PAPPA2: variants seen among roughly 807,000 people sequenced by gnomAD.
PAPPA2 encodes the protein pappalysin-2.
A neutral mutation model predicts 176.4 loss-of-function variants in PAPPA2; 86 were observed. The ratio of observed to expected loss-of-function variants is 0.49; its 90% CI spans 0.41 to 0.58. The LOEUF is 0.58. Among genes scored for constraint, PAPPA2 ranks in the 20% least tolerant of loss-of-function variants. The pLI is 0.00. For missense variants in PAPPA2, 2,073 were observed against 2,256.9 expected, an observed-to-expected ratio of 0.92 and a Z score of 1.65; for synonymous variants, 809 against 852.2, an observed-to-expected ratio of 0.95 and a Z score of 0.88.
intron 3 of PAPPA2, among the ~76,000 whole-genome samples, chr1:176,611,903 T>G (rs1654947466): frequency 6.6e-6 from 1 of 152,234 alleles, no homozygotes. Context: ...TTTATTTCCA[T>G]GCCTAGAGAA....
At position 176,844,051 on chromosome 1, in the gene PAPPA2, G is replaced by A. The variant is rs1667579150; in HGVS notation, c.*1597G>A. On this transcript the variant is annotated 3_prime_UTR_variant, in exon 23 of 23. Coordinates refer to ENST00000367662, the MANE Select transcript of PAPPA2 (RefSeq NM_020318.3). ...ATTTACATCCCAGGCTCACTGGGAT[G>A]TGATCTACTGCAGTTACATTTTCTT... The A allele has an allele frequency of 6.6e-6, 1 of 152,116 alleles. No individual in the cohort carries two copies. Among genetic ancestry groups the A allele is most frequent in the Non-Finnish European group, 1.5e-5 (1 of 68,026 alleles). 9.4% of individuals were successfully genotyped at this position (152,116 alleles called of 1,614,324 possible).
At chr1:176,519,305 C>T (rs1427739414) in intron 1 of PAPPA2, among the ~76,000 whole-genome samples, 1 of 152,140 alleles carries the variant, frequency 6.6e-6, no homozygotes, top group Non-Finnish European at 1.5e-5. Context: ...CACAGAAGAG[C>T]TACACTCGGC....
intron 5 of PAPPA2, among the ~76,000 whole-genome samples, 167 bp from the exon 6 acceptor site, chr1:176,691,959 A>T (rs781016603): frequency 2.6e-5 from 4 of 152,206 alleles, no homozygotes; most frequent in Non-Finnish European, 5.9e-5. Flanking sequence ...TTTCCAGCTT[A>T]GACCCTTTCT....
intron 3 of PAPPA2, among the ~76,000 whole-genome samples, chr1:176,642,648 G>A (rs1269635975): frequency 6.6e-6 from 1 of 151,938 alleles, no homozygotes; most frequent in Non-Finnish European, 1.5e-5. Context: ...AAGAGATAAT[G>A]AGCCCATGAT....
At position 176,519,452 on chromosome 1, in the gene PAPPA2, C is replaced by T. The variant is rs542859476; in HGVS notation, c.-916-35955C>T. On this transcript the variant is annotated intron_variant, in intron 1 of 22. Transcript: ENST00000367662. The stretch of plus-strand genomic sequence containing the variant: ...ATGACCTTTAGACCTAACAGCAATA[C>T]CAAAGGTATGCTTTTCCCAGTGTAT... Among the ~76,000 whole-genome samples the T allele has an allele frequency of 9.2e-5, 14 of 152,196 alleles. 1 individual carries two copies. The South Asian group carries it at 2.9e-3, about 32-fold the overall frequency.
At chr1:176,803,008 A>G (rs1665748146) in intron 21 of PAPPA2, among the ~76,000 whole-genome samples, 1 of 152,178 alleles carries the variant, frequency 6.6e-6, no homozygotes, top group African/African-American at 2.4e-5. Flanking sequence ...CATATCTGCA[A>G]TCCAAAATTG....
At chr1:176,474,636 G>A (rs2102469873) in intron 1 of PAPPA2, among the ~76,000 whole-genome samples, 1 of 152,050 alleles carries the variant, frequency 6.6e-6, no homozygotes, top group African/African-American at 2.4e-5. Flanking sequence ...GGGAAATGAG[G>A]ACATTTAGTT....
intron 17 of PAPPA2, among the ~76,000 whole-genome samples, chr1:176,786,088 G>A (rs1380918396): frequency 6.6e-6 from 1 of 152,148 alleles, no homozygotes; most frequent in Non-Finnish European, 1.5e-5. Flanking sequence ...GTGGTAGAAA[G>A]AAGAGAGTCC....
intron 21 of PAPPA2, among the ~76,000 whole-genome samples, chr1:176,837,500 C>T (rs925259637): frequency 1.9e-4 from 17 of 90,708 alleles, no homozygotes; most frequent in African/African-American, 4.2e-4. Flanking sequence ...AAAAAAAAAA[C>T]GGGTGTTTTA....
intron 1 of PAPPA2, among the ~76,000 whole-genome samples, chr1:176,512,928 G>C (rs1648694548): frequency 6.6e-6 from 1 of 152,058 alleles, no homozygotes; most frequent in South Asian, 2.1e-4. Flanking sequence ...TTCTCACCAG[G>C]TATTTTGCAG....
At chr1:176,785,727 G>A (rs1291263501) in intron 17 of PAPPA2, among the ~76,000 whole-genome samples, 1 of 152,080 alleles carries the variant, frequency 6.6e-6, no homozygotes, top group Non-Finnish European at 1.5e-5. Context: ...CATGATGGAA[G>A]GCTACATTCT....
At chr1:176,570,261 C>G (rs1652244488) in intron 2 of PAPPA2, among the ~76,000 whole-genome samples, 1 of 152,182 alleles carries the variant, frequency 6.6e-6, no homozygotes, top group African/African-American at 2.4e-5. Context: ...TTCTCCGGCC[C>G]TTTGAAAATC....
chr1:176,688,102 G>A (rs1659934278), intron 4 of PAPPA2, among the ~76,000 whole-genome samples: 1 of 152,212 alleles, frequency 6.6e-6, no homozygotes, highest in Admixed American at 6.5e-5. Context: ...GAATTGTGTA[G>A]CCTTTCCAAA....
intron 2 of PAPPA2, among the ~76,000 whole-genome samples, chr1:176,578,957 A>T (rs1652806951): frequency 6.6e-6 from 1 of 152,112 alleles, no homozygotes; most frequent in Non-Finnish European, 1.5e-5. Context: ...TTCTTAGAAG[A>T]TATTTTTCTC....
intron 15 of PAPPA2, among the ~76,000 whole-genome samples, chr1:176,766,885 A>G (rs1383389162): frequency 6.6e-6 from 1 of 151,754 alleles, no homozygotes; most frequent in Non-Finnish European, 1.5e-5. Flanking sequence ...TGTTAGCTAG[A>G]CATCAGTGAT....
At chr1:176,634,957 A>G (rs1174553946) in intron 3 of PAPPA2, among the ~76,000 whole-genome samples, 1 of 124,254 alleles carries the variant, frequency 8.0e-6, no homozygotes. Context: ...GTAGATAGAT[A>G]GATAGATAAA....
intron 21 of PAPPA2, among the ~76,000 whole-genome samples, chr1:176,806,763 G>A (rs886567657): frequency 6.6e-6 from 1 of 152,170 alleles, no homozygotes; most frequent in East Asian, 1.9e-4. Flanking sequence ...CCTCAGTAAA[G>A]CATGGTTGTG....
intron 21 of PAPPA2, among the ~76,000 whole-genome samples, chr1:176,823,329 A>G (rs1452946586): frequency 6.6e-6 from 1 of 152,222 alleles, no homozygotes; most frequent in Non-Finnish European, 1.5e-5. Context: ...TAGTCTGCTC[A>G]GTGAAGCTGA....
intron 14 of PAPPA2, among the ~76,000 whole-genome samples, chr1:176,761,728 A>T (rs1663708378): frequency 6.6e-6 from 1 of 152,120 alleles, no homozygotes; most frequent in South Asian, 2.1e-4. Flanking sequence ...GGGCTCTGAG[A>T]TCCAGCCTGA....
Sources: gnomAD v4.1 joint callset for allele counts (sites outside exome capture counted in the v4.1 genomes callset) on GRCh38, gnomAD v4.1.1 for gene constraint, MANE v1.5 for transcripts, NCBI Gene and HGNC (gene_info 2026-07-23, HGNC 2026-07-21) for gene names.